Variants in S100A8 observed in about 807,000 individuals in gnomAD.
S100A8 encodes the protein protein S100-A8.
A neutral mutation model predicts 4.2 loss-of-function variants in S100A8; 1 was observed. The observed-to-expected ratio is 0.24, with a 90% confidence interval of 0.08 to 1.12. The LOEUF (loss-of-function observed/expected upper bound fraction) is 1.12, where lower values mean the gene tolerates loss of function less well. Ranked by LOEUF, S100A8 falls within the 50% of genes most tolerant of loss-of-function variation. The probability of loss-of-function intolerance (pLI) is 0.53; values close to 1 mark genes in which losing one functional copy is unlikely to be tolerated. For missense variants in S100A8, 96 were observed against 111.8 expected (o/e 0.86, Z 0.64); for synonymous variants, 41 against 44.7 (o/e 0.92, Z 0.33).
the S100A8 span, among the ~76,000 whole-genome samples, chr1:153,411,849 T>C: frequency 6.6e-6 from 1 of 152,202 alleles, no homozygotes; most frequent in Non-Finnish European, 1.5e-5. Flanking sequence ...CCATCTGATC[T>C]TTGACAAACC....
At chr1:153,419,210 G>T in the S100A8 span, 3 of 1,614,062 alleles carry the variant, frequency 1.9e-6, no homozygotes, top group Admixed American at 5.0e-5. Flanking sequence ...AGGATAAGAA[G>T]ATTGATTTTT....
At chr1:153,405,289 C>T in the S100A8 span, among the ~76,000 whole-genome samples, 1 of 150,724 alleles carries the variant, frequency 6.6e-6, no homozygotes, top group Non-Finnish European at 1.5e-5. Flanking sequence ...ATCAGGCTAA[C>T]AGAATTGACA....
At chr1:153,419,539 C>T in the S100A8 span, 1 of 577,960 alleles carries the variant, frequency 1.7e-6, no homozygotes, top group Non-Finnish European at 3.1e-6. Context: ...ATCTGCCTCT[C>T]ACACAGGTCC....
At chr1:153,400,070 T>C in the S100A8 span, among the ~76,000 whole-genome samples, 1 of 152,134 alleles carries the variant, frequency 6.6e-6, no homozygotes, top group African/African-American at 2.4e-5. Flanking sequence ...TCCAAGGTAC[T>C]GTACTTAGAA....
chr1:153,390,373 G>A (rs746791160), intron 2 of S100A8, 22 bp downstream of exon 2: 53 of 1,612,638 alleles, frequency 3.3e-5, no homozygotes, highest in Admixed American at 6.7e-5. Flanking sequence ...GAGAGCCCCC[G>A]CCACACCCAG....
chr1:153,405,239 A>T, the S100A8 span, among the ~76,000 whole-genome samples: 2 of 151,666 alleles, frequency 1.3e-5, no homozygotes, highest in Non-Finnish European at 1.5e-5. Context: ...ACTTCCTAGC[A>T]CTGTCTGTGT....
the S100A8 span, among the ~76,000 whole-genome samples, chr1:153,412,359 T>A: frequency 6.6e-6 from 1 of 152,218 alleles, no homozygotes; most frequent in Non-Finnish European, 1.5e-5. Flanking sequence ...ATGACATTTA[T>A]GCAGCCAAAA....
chr1:153,390,389 C>A lies in S100A8; in HGVS notation c.141+6G>T, dbSNP rs769263523. ...AGAGCCCCCGCCACACCCAGCCCCT[C>A]CTCACCCTGATATACTGAGGACACT... On this transcript the variant is annotated splice_donor_region_variant and intron_variant, in intron 2 of 2. Coordinates refer to ENST00000368733, the MANE Select transcript of S100A8 (RefSeq NM_002964.5). 6.2e-7 allele frequency: 1 copy of A among 1,614,136 alleles called. No individual in the cohort carries two copies. The highest frequency in any genetic ancestry group is 8.5e-7 in the Non-Finnish European group (1 of 1,179,988).
At chr1:153,418,328 A>T in the S100A8 span, 1 of 1,486,442 alleles carries the variant, frequency 6.7e-7, no homozygotes, top group Admixed American at 2.1e-5. Context: ...CTGATTAAAA[A>T]GTTTCCCATT....
At chr1:153,413,959 T>G in the S100A8 span, among the ~76,000 whole-genome samples, 1 of 152,200 alleles carries the variant, frequency 6.6e-6, no homozygotes, top group Non-Finnish European at 1.5e-5. Flanking sequence ...CTTGGTGACT[T>G]GCACACTAAT....
chr1:153,421,331 C>T, the S100A8 span: 25 of 152,232 alleles, frequency 1.6e-4, no homozygotes, highest in African/African-American at 6.0e-4. Flanking sequence ...TGACCCCACT[C>T]TTACCATAGT....
chr1:153,412,634 G>A, the S100A8 span, among the ~76,000 whole-genome samples: 2 of 152,180 alleles, frequency 1.3e-5, no homozygotes, highest in African/African-American at 4.8e-5. Context: ...ATATTACTGG[G>A]TATATACCCA....
At chr1:153,418,153 A>T in the S100A8 span, 1 of 1,614,106 alleles carries the variant, frequency 6.2e-7, no homozygotes, top group South Asian at 1.1e-5. Context: ...ACCGGACGTG[A>T]TGGCAAGATT....
chr1:153,405,411 T>G, the S100A8 span, among the ~76,000 whole-genome samples: 2 of 150,758 alleles, frequency 1.3e-5, no homozygotes, highest in African/African-American at 4.9e-5. Context: ...AAACATTCCA[T>G]GTGGATTCAG....
chr1:153,412,237 G>A, the S100A8 span, among the ~76,000 whole-genome samples: 3 of 152,208 alleles, frequency 2.0e-5, no homozygotes, highest in African/African-American at 7.2e-5. Flanking sequence ...CTACTCATCT[G>A]ACGAAGGGCT....
the S100A8 span, among the ~76,000 whole-genome samples, chr1:153,405,364 T>C: frequency 1.1e-3 from 166 of 150,274 alleles, no homozygotes; most frequent in African/African-American, 3.9e-3. Context: ...CACCATTTTG[T>C]AAGCCCCCTG....
At chr1:153,394,904 G>T (rs562409109), upstream of S100A8, among the ~76,000 whole-genome samples, 139 of 152,274 alleles carry the variant, frequency 9.1e-4, 1 homozygote, top group African/African-American at 3.2e-3. Flanking sequence ...CAAAATCCAT[G>T]ATTTCTATCT....
the S100A8 span, among the ~76,000 whole-genome samples, chr1:153,404,889 CG>C: frequency 6.6e-6 from 1 of 151,978 alleles, no homozygotes; most frequent in African/African-American, 2.4e-5. Context: ...GTACTGCCTC[CG>C]GCGACAACCA....
At chr1:153,413,108 A>G in the S100A8 span, among the ~76,000 whole-genome samples, 2 of 152,220 alleles carry the variant, frequency 1.3e-5, no homozygotes, top group African/African-American at 2.4e-5. Context: ...CGCTGTGCAC[A>G]TGTACCCTAG....
Sources: allele counts gnomAD v4.1 joint callset (sites outside exome capture counted in the v4.1 genomes callset), GRCh38; gene constraint gnomAD v4.1.1; transcripts MANE v1.5; gene names NCBI Gene and HGNC (gene_info 2026-07-23, HGNC 2026-07-21).